ZBTB7A: variants seen among roughly 807,000 people sequenced by gnomAD.
ZBTB7A encodes zinc finger and BTB domain containing 7A.
Under a neutral mutation model 26.7 loss-of-function variants are expected in ZBTB7A, and 7 were observed. The observed-to-expected ratio is 0.26, with a 90% confidence interval of 0.15 to 0.49. The LOEUF (loss-of-function observed/expected upper bound fraction) is 0.49. ZBTB7A is among the 20% of genes least tolerant of loss of function. The pLI, the probability that ZBTB7A is intolerant of heterozygous loss-of-function variation, is 0.98. For missense variants in ZBTB7A, 617 were observed against 919.5 expected (o/e 0.67, Z 4.25); for synonymous variants, 452 against 441.0 (o/e 1.02, Z -0.31).
At chr19:4,061,033 G>C (rs2040632795) in intron 1 of ZBTB7A, among the ~76,000 whole-genome samples, 3 of 152,190 alleles carry the variant, frequency 2.0e-5, no homozygotes, top group Admixed American at 1.3e-4. Context: ...TGTCTCCTGG[G>C]GGATGGGGGT....
rs1238069758 is a variant in ZBTB7A, at chr19:4,048,229, C to T, written c.1278G>A (p.Lys426=). Residue 426 remains lysine (K), a synonymous_variant, in exon 3 of 3, where the codon AAG becomes AAA. Transcript: ENST00000322357. The surrounding 1 kb of genome is among the most constrained non-coding windows in gnomAD (Gnocchi z 6.7). ...CGCCCGTGTGCTTCCGCATGTGCAC[C>T]TTCAGCTTGTCCTGCCTGTGGACGG... ...KVRFTRQDKL[K]VHMRKHTGEK... 3.1e-6 allele frequency: 5 copies of T among 1,588,436 alleles called. No homozygotes were observed. Among genetic ancestry groups the T allele is most frequent in the Non-Finnish European group, 4.3e-6 (5 of 1,172,632 alleles).
chr19:4,049,162 G>GTATATA (rs1253863952), intron 2 of ZBTB7A, among the ~76,000 whole-genome samples: 21 of 18,422 alleles, frequency 1.1e-3, no homozygotes, highest in African/African-American at 2.0e-3. Flanking sequence ...GTGTGTGTGT[G>GTATATA]TGTGTGTATA....
intron 1 of ZBTB7A, among the ~76,000 whole-genome samples, chr19:4,061,172 C>T (rs2040634021): frequency 1.3e-5 from 2 of 152,236 alleles, no homozygotes; most frequent in South Asian, 4.1e-4. Context: ...GTTCACCACC[C>T]CTCACGGATG....
At chr19:4,066,340 C>T (rs2040695838) in intron 1 of ZBTB7A, among the ~76,000 whole-genome samples, 1 of 150,652 alleles carries the variant, frequency 6.6e-6, no homozygotes, top group Non-Finnish European at 1.5e-5. Context: ...CTCCCCACGC[C>T]GGCTCCCCCC....
In ZBTB7A at chr19:4,047,904, C is replaced by G. The variant is rs768545835; in HGVS notation, c.1603G>C (p.Glu535Gln). 2.6e-6 allele frequency: 4 copies of G among 1,557,128 alleles called. No individual in the cohort carries two copies. The highest frequency in any genetic ancestry group is 3.5e-6 in the Non-Finnish European group (4 of 1,153,698). The change falls in exon 3 of 3, where the codon GAG (glutamate) becomes CAG (glutamine). Residue 535 changes from glutamate (E) to glutamine (Q), a missense_variant. Glu to Gln is a conservative substitution (Grantham distance 29, BLOSUM62 2). Around this residue, in one of 5 missense-constraint regions of ZBTB7A, gnomAD observed 136 missense variants for 126.6 expected, o/e 1.07. Transcript: ENST00000322357. ...TCGTCCTCGTCCTTAAAGTGCTTCTCCTGGCCGTTGCGCCGGGCGTCGGGG... is the reference window on the plus strand; with the variant it reads ...TCGTCCTCGTCCTTAAAGTGCTTCTGCTGGCCGTTGCGCCGGGCGTCGGGG... ...SSPDARRNGQEKHFKDEDEDE... is the reference protein window; with the variant it reads ...SSPDARRNGQQKHFKDEDEDE...
rs377607721 is a variant in ZBTB7A, at chr19:4,053,963, C to T, written c.1262+8G>A. On this transcript the variant is annotated splice_region_variant and intron_variant, in intron 2 of 2. Coordinates refer to ENST00000322357, the MANE Select transcript of ZBTB7A (RefSeq NM_015898.4). ...AGGACGGCGCCTCCCCCGCGGCGGG[C>T]AGCTCACCTGGTGAAGCGGACCTTG... 44 of 1,588,992 alleles carry T rather than the reference C, an allele frequency of 2.8e-5. No homozygotes were observed. In the African/African-American group the frequency reaches 4.8e-4, roughly 17 times the overall value.
chr19:4,058,572 C>G (rs942267927), intron 1 of ZBTB7A, among the ~76,000 whole-genome samples: 1 of 152,222 alleles, frequency 6.6e-6, no homozygotes, highest in African/African-American at 2.4e-5. Context: ...CAGCACAGCT[C>G]ACATTCCTCC....
intron 2 of ZBTB7A, among the ~76,000 whole-genome samples, chr19:4,051,796 GA>G (rs2040506717): frequency 1.3e-5 from 2 of 152,272 alleles, no homozygotes; most frequent in East Asian, 1.9e-4. Context: ...ATGAGCCTGG[GA>G]GGCCCAGAGA....
chr19:4,055,692 G>T (rs1006680340), intron 1 of ZBTB7A, among the ~76,000 whole-genome samples: 10 of 152,092 alleles, frequency 6.6e-5, no homozygotes, highest in Non-Finnish European at 1.5e-4. Flanking sequence ...GCGTGTTGGC[G>T]GGGGCCTGTA....
At chr19:4,058,973 G>A (rs2040612031) in intron 1 of ZBTB7A, among the ~76,000 whole-genome samples, 1 of 152,210 alleles carries the variant, frequency 6.6e-6, no homozygotes, top group African/African-American at 2.4e-5. Context: ...CTCAGATGTG[G>A]CTGCTGGGAG....
rs373706834 is a variant in ZBTB7A, at chr19:4,052,368, C to A, written c.1262+1603G>T. Among the ~76,000 whole-genome samples the A allele has an allele frequency of 6.6e-6, 1 of 152,208 alleles. No individual in the cohort carries two copies. The highest frequency in any genetic ancestry group is 1.9e-4 in the East Asian group (1 of 5,198). The stretch of plus-strand genomic sequence containing the variant: ...GAGGAGCCCCCCAAGACCTCCAGTA[C>A]CCCAACCTCACCAAGGAGGGACAAA... On this transcript the variant is annotated intron_variant, in intron 2 of 2. Coordinates refer to ENST00000322357, the MANE Select transcript of ZBTB7A (RefSeq NM_015898.4). The surrounding 1 kb of genome is among the most constrained non-coding windows in gnomAD (Gnocchi z 4.9).
At chr19:4,053,329 C>T (rs578240700) in intron 2 of ZBTB7A, among the ~76,000 whole-genome samples, 1 of 152,160 alleles carries the variant, frequency 6.6e-6, no homozygotes, top group East Asian at 1.9e-4. Context: ...GGGAAGCGTT[C>T]GTTGGCTTTG....
chr19:4,059,840 C>A (rs1404973978), intron 1 of ZBTB7A, among the ~76,000 whole-genome samples: 1 of 152,114 alleles, frequency 6.6e-6, no homozygotes, highest in Non-Finnish European at 1.5e-5. Flanking sequence ...GAGGGGAGGC[C>A]GGGCCCAGCC....
chr19:4,063,237 A>G (rs759510696), intron 1 of ZBTB7A, among the ~76,000 whole-genome samples: 5 of 152,162 alleles, frequency 3.3e-5, no homozygotes, highest in Admixed American at 6.5e-5. Context: ...GGGACCCTCC[A>G]CAGCCCCAGG....
Position 4,054,881 on chromosome 19 carries a change from C to A in ZBTB7A, c.352G>T (p.Ala118Ser). The A allele has an allele frequency of 1.2e-6, 2 of 1,607,354 alleles. No homozygotes were observed. The highest frequency in any genetic ancestry group is 2.2e-5 in the South Asian group (2 of 90,646). ...LSAARLLEIPAVSHVCADLLD... is the reference protein window; with the variant it reads ...LSAARLLEIPSVSHVCADLLD... The stretch of plus-strand genomic sequence containing the variant: ...AGGTCGGCGCACACGTGGCTCACGG[C>A]GGGGATCTCCAGCAGGCGGGCGGCG... The change falls in exon 2 of 3, where the codon GCC becomes TCC. Residue 118 changes from alanine to serine, a missense_variant. Coordinates refer to ENST00000322357, the MANE Select transcript of ZBTB7A (RefSeq NM_015898.4).
At chr19:4,053,866 C>T in intron 2 of ZBTB7A, 105 bp downstream of exon 2, 11 of 1,336,704 alleles carry the variant, frequency 8.2e-6, no homozygotes, top group East Asian at 2.3e-5. Flanking sequence ...TGTGCGTCTG[C>T]GTGCATGTGT....
intron 1 of ZBTB7A, among the ~76,000 whole-genome samples, chr19:4,059,806 G>A (rs1027749715): frequency 3.3e-5 from 5 of 152,046 alleles, no homozygotes; most frequent in East Asian, 1.9e-4. Flanking sequence ...GGAAAGGGCC[G>A]AAGACCCTGC....
chr19:4,049,211 T>TATATATATA (rs1265213875), intron 2 of ZBTB7A, among the ~76,000 whole-genome samples: 1,286 of 42,744 alleles, frequency 0.03, 286 homozygotes, highest in East Asian at 0.056. Flanking sequence ...TATATATATG[T>TATATATATA]AAGTTTGAGA....
rs774948310 is a variant in ZBTB7A at position 4,054,105 on chromosome 19, G to T, written c.1128C>A (p.Ile376=). The change falls in exon 2 of 3, where the codon ATC becomes ATA. Residue 376 remains isoleucine, a synonymous_variant. Coordinates refer to ENST00000322357, the MANE Select transcript of ZBTB7A (RefSeq NM_015898.4). ...GGCACTTCTGGAAGGCCTTGGCTCG[G>T]ATCTTCTTCTCCACCTTCTGCGACC... ...PAWSQKVEKK[I]RAKAFQKCPI... is the part of the protein sequence containing the mutation. The T allele has an allele frequency of 1.1e-5, 18 of 1,609,846 alleles. No individual in the cohort carries two copies. Among genetic ancestry groups the T allele is most frequent in the Non-Finnish European group, 1.4e-5 (17 of 1,179,882 alleles).
Sources: allele counts gnomAD v4.1 joint callset (sites outside exome capture counted in the v4.1 genomes callset), GRCh38; gene constraint gnomAD v4.1.1; regional missense constraint gnomAD v4.1.1; non-coding constraint Gnocchi (gnomAD v3.1); transcripts MANE v1.5; gene names NCBI Gene and HGNC (gene_info 2026-07-23, HGNC 2026-07-21).